The following SYNPO2 variants were observed in gnomAD, a reference collection of about 807,000 sequenced individuals.
The protein encoded by SYNPO2 is synaptopodin-2.
Under a neutral mutation model 85.0 loss-of-function variants are expected in SYNPO2, and 56 were observed. The observed-to-expected ratio is 0.66, with a 90% CI of 0.53 to 0.82. The LOEUF is 0.82. Among genes scored for constraint, SYNPO2 ranks in the 40% least tolerant of loss-of-function variants. SYNPO2 has a pLI of 0.00. For synonymous variants in SYNPO2, 602 were observed against 591.1 expected, an observed-to-expected ratio of 1.02 and a Z score of -0.27; for missense variants, 1,575 against 1,534.2, an observed-to-expected ratio of 1.03 and a Z score of -0.44.
chr4:119,051,136 T>C (rs181906584), intron 4 of SYNPO2, among the ~76,000 whole-genome samples: 1 of 150,564 alleles, frequency 6.6e-6, no homozygotes, highest in East Asian at 1.9e-4. Context: ...GAAGTACAAG[T>C]AGATGTAATC....
At chr4:118,993,923 G>T (rs994287483) in intron 1 of SYNPO2, among the ~76,000 whole-genome samples, 5 of 152,192 alleles carry the variant, frequency 3.3e-5, no homozygotes, top group African/African-American at 1.2e-4. Context: ...GCTTTGCCTA[G>T]TCTTACCTAG....
At chr4:119,023,326 T>C (rs1737811942) in intron 1 of SYNPO2, 104 bp from the exon 2 acceptor site, 2 of 1,249,280 alleles carry the variant, frequency 1.6e-6, no homozygotes, top group Admixed American at 2.9e-5. Flanking sequence ...TGAATTAAAA[T>C]TCAGGGCTGG....
chr4:118,857,798 A>T (rs1390686734), intron 1 of SYNPO2, among the ~76,000 whole-genome samples: 2 of 152,226 alleles, frequency 1.3e-5, no homozygotes, highest in African/African-American at 4.8e-5. Context: ...TTGACCATTT[A>T]GATACATTTA....
At chr4:118,994,397 T>C (rs1195134766) in intron 1 of SYNPO2, among the ~76,000 whole-genome samples, 1 of 152,218 alleles carries the variant, frequency 6.6e-6, no homozygotes, top group Non-Finnish European at 1.5e-5. Flanking sequence ...AAAAATCAAA[T>C]GAGCTTGGCG....
At chr4:118,944,948 A>G (rs376510351) in intron 1 of SYNPO2, among the ~76,000 whole-genome samples, 3 of 152,198 alleles carry the variant, frequency 2.0e-5, no homozygotes, top group Non-Finnish European at 4.4e-5. Flanking sequence ...TTGACATCCT[A>G]CCTTACCACT....
intron 1 of SYNPO2, among the ~76,000 whole-genome samples, chr4:119,022,463 G>T (rs1737757127): frequency 6.8e-6 from 1 of 147,604 alleles, no homozygotes; most frequent in Non-Finnish European, 1.5e-5. Context: ...GTGTGGCTAG[G>T]ATCACAGGCA....
chr4:118,935,025 C>T (rs1274471316), intron 1 of SYNPO2, among the ~76,000 whole-genome samples: 2 of 152,256 alleles, frequency 1.3e-5, no homozygotes, highest in South Asian at 4.1e-4. Context: ...GCTGCTTTCT[C>T]CAGGCTCAAT....
intron 1 of SYNPO2, among the ~76,000 whole-genome samples, chr4:118,873,252 T>A (rs898207474): frequency 1.3e-5 from 2 of 152,226 alleles, no homozygotes; most frequent in Non-Finnish European, 2.9e-5. Context: ...CTAATTTTAG[T>A]TCTTTGAGAA....
chr4:119,032,047 T>C lies in SYNPO2; in HGVS notation c.3252+20T>C. ...ATTCAGGTGTGGAAACCATCTGTTGTGGAAGAGTAATCTTGTAGCTGAAGC... is the reference window on the plus strand; with the variant it reads ...ATTCAGGTGTGGAAACCATCTGTTGCGGAAGAGTAATCTTGTAGCTGAAGC... On this transcript the variant is annotated intron_variant, in intron 4 of 4. Transcript: ENST00000307142. 1 of 1,612,742 alleles carries C rather than the reference T, an allele frequency of 6.2e-7. No individual in the cohort carries two copies. Among genetic ancestry groups the C allele is most frequent in the Non-Finnish European group, 8.5e-7 (1 of 1,179,280 alleles).
intron 1 of SYNPO2, among the ~76,000 whole-genome samples, chr4:118,983,969 T>C (rs887146049): frequency 2.6e-5 from 4 of 152,220 alleles, no homozygotes; most frequent in Non-Finnish European, 4.4e-5. Flanking sequence ...ACTTCCCCTT[T>C]GTCATTTGTA....
intron 4 of SYNPO2, among the ~76,000 whole-genome samples, chr4:119,046,902 G>A (rs6851900): frequency 0.98 from 149,745 of 152,332 alleles, 73,656 homozygotes; most frequent in Middle Eastern, 1. Context: ...AAAACTTTTT[G>A]TTTAAAAGTC....
intron 1 of SYNPO2, among the ~76,000 whole-genome samples, chr4:118,991,182 C>T (rs1736402723): frequency 6.6e-6 from 1 of 152,128 alleles, no homozygotes; most frequent in African/African-American, 2.4e-5. Flanking sequence ...GAGTCTTGCT[C>T]TGTCACCCAG....
intron 1 of SYNPO2, among the ~76,000 whole-genome samples, chr4:118,992,496 C>T (rs911722979): frequency 6.6e-6 from 1 of 152,104 alleles, no homozygotes; most frequent in Admixed American, 6.5e-5. Context: ...GTCAGGTAGC[C>T]TCTGGAAAGC....
chr4:118,869,793 C>T (rs900361951), intron 1 of SYNPO2, among the ~76,000 whole-genome samples: 2 of 152,136 alleles, frequency 1.3e-5, no homozygotes, highest in African/African-American at 4.8e-5. Flanking sequence ...ATTCTAAATG[C>T]TGGGGATTAA....
At chr4:119,001,552 A>C (rs993473336) in intron 1 of SYNPO2, among the ~76,000 whole-genome samples, 1 of 152,222 alleles carries the variant, frequency 6.6e-6, no homozygotes, top group East Asian at 1.9e-4. Context: ...TTAAATTCAC[A>C]GGTCACTCAA....
At chr4:119,046,433 C>T (rs547688935) in intron 4 of SYNPO2, among the ~76,000 whole-genome samples, 2 of 152,320 alleles carry the variant, frequency 1.3e-5, no homozygotes, top group East Asian at 3.9e-4. Flanking sequence ...GACAGGAGGG[C>T]AGCCGGGGTT....
At chr4:118,986,276 C>A (rs528221048) in intron 1 of SYNPO2, among the ~76,000 whole-genome samples, 23 of 152,306 alleles carry the variant, frequency 1.5e-4, no homozygotes, top group African/African-American at 5.3e-4. Context: ...CATTTATTTT[C>A]TAATAGTCAC....
chr4:118,912,511 A>AC (rs1426450760), intron 1 of SYNPO2, among the ~76,000 whole-genome samples: 2 of 4,686 alleles, frequency 4.3e-4, no homozygotes, highest in Non-Finnish European at 7.0e-4. Flanking sequence ...AAATTTAGGT[A>AC]AATCTTCCTT....
chr4:118,879,220 G>A (rs190413469), intron 1 of SYNPO2, among the ~76,000 whole-genome samples: 4 of 152,326 alleles, frequency 2.6e-5, no homozygotes, highest in Admixed American at 6.5e-5. Flanking sequence ...ATAAGGGTCC[G>A]TGGCTTCATT....
Sources: allele counts gnomAD v4.1 joint callset (sites outside exome capture counted in the v4.1 genomes callset), GRCh38; gene constraint gnomAD v4.1.1; transcripts MANE v1.5; gene names NCBI Gene and HGNC (gene_info 2026-07-23, HGNC 2026-07-21).